FILIP1: variants seen among roughly 807,000 people sequenced by gnomAD.
FILIP1 encodes the protein filamin A interacting protein 1.
Under a neutral mutation model 102.1 loss-of-function variants are expected in FILIP1, and 61 were observed. The observed-to-expected ratio is 0.60, with a 90% CI of 0.49 to 0.74. The LOEUF (loss-of-function observed/expected upper bound fraction) is 0.74, where lower values mean the gene tolerates loss of function less well. Ranked by LOEUF, FILIP1 falls within the 30% of genes least tolerant of loss-of-function variation. The pLI is 0.00. For synonymous variants in FILIP1, 491 were observed against 526.9 expected (o/e 0.93, Z 0.93); for missense variants, 1,314 against 1,441.2 (o/e 0.91, Z 1.43).
chr6:75,465,553 G>A (rs778116364), intron 1 of FILIP1: 92 of 575,156 alleles, frequency 1.6e-4, no homozygotes, highest in Middle Eastern at 4.9e-4. Flanking sequence ...GCTGCCTGAA[G>A]GACAGTTTCA....
exon 7 of FILIP1, chr6:75,294,846 T>C (rs2842446): frequency 0.43 from 63,168 of 145,424 alleles, 13,686 homozygotes; most frequent in East Asian, 0.56. Flanking sequence ...GCACGTGCAA[T>C]CAGGCCCAGC....
intron 1 of FILIP1, among the ~76,000 whole-genome samples, chr6:75,441,878 C>G (rs1582513136): frequency 6.9e-6 from 1 of 145,468 alleles, no homozygotes; most frequent in African/African-American, 2.6e-5. Flanking sequence ...GCTGGCCGGG[C>G]GGGGGGTAGA....
intron 2 of FILIP1, chr6:75,367,757 C>G (rs1310306501): frequency 6.6e-6 from 1 of 152,100 alleles, no homozygotes; most frequent in Admixed American, 6.5e-5. Context: ...CTATTTCAAA[C>G]AAATGATTCA....
chr6:75,297,509 T>G (rs2149531766), intron 6 of FILIP1, among the ~76,000 whole-genome samples: 1 of 152,288 alleles, frequency 6.6e-6, no homozygotes, highest in South Asian at 2.1e-4. Flanking sequence ...ATGAAGGTTT[T>G]CTGAAGCTCT....
intron 4 of FILIP1, among the ~76,000 whole-genome samples, chr6:75,339,961 A>AAT (rs1774368216): frequency 6.6e-6 from 1 of 151,760 alleles, no homozygotes; most frequent in African/African-American, 2.4e-5. Flanking sequence ...TAAATAAATA[A>AAT]ATATATATAT....
In FILIP1 at chr6:75,437,235, A is replaced by T. The variant is rs1469927098; in HGVS notation, c.-6-22257T>A. Among the ~76,000 whole-genome samples the T allele has an allele frequency of 2.6e-5, 4 of 152,356 alleles. No homozygotes were observed. In the Middle Eastern group the frequency reaches 0.01, roughly 389 times the overall value. On this transcript the variant is annotated intron_variant, in intron 1 of 5. Transcript: ENST00000237172. ...CAAAGCAGACAGAATAGCATGGAAA[A>T]GGAGGAAAAAATCAGAAGGAAATAA...
chr6:75,362,978 A>T lies in FILIP1; in HGVS notation c.277-61T>A, dbSNP rs1180813261. 3.3e-6 allele frequency: 5 copies of T among 1,519,202 alleles called. No homozygotes were observed. In the East Asian group the frequency reaches 1.1e-4, roughly 34 times the overall value. 94.1% of individuals were successfully genotyped at this position (1,519,202 alleles called of 1,614,324 possible). ...CAATGTAAATCGCATACTGGGCTCA[A>T]AAAATCAACAGAGAGCTTATTGAAT... On this transcript the variant is annotated intron_variant, in intron 2 of 5. Coordinates refer to ENST00000237172, the MANE Select transcript of FILIP1 (RefSeq NM_015687.5).
intron 1 of FILIP1, among the ~76,000 whole-genome samples, chr6:75,420,050 T>G (rs1474636169): frequency 2.0e-5 from 3 of 152,186 alleles, no homozygotes; most frequent in Non-Finnish European, 2.9e-5. Context: ...TTAGGGTAGA[T>G]CTATTCAGAC....
intron 2 of FILIP1, among the ~76,000 whole-genome samples, chr6:75,390,244 A>G (rs1310382841): frequency 6.6e-6 from 1 of 152,168 alleles, no homozygotes; most frequent in Admixed American, 6.6e-5. Flanking sequence ...CTTGCTCATC[A>G]TCACTGCTTC....
intron 1 of FILIP1, among the ~76,000 whole-genome samples, chr6:75,421,701 T>C (rs1026631551): frequency 1.3e-5 from 2 of 152,194 alleles, no homozygotes; most frequent in African/African-American, 4.8e-5. Flanking sequence ...TAATACTGTC[T>C]AGCGTGGTTC....
chr6:75,430,982 A>AG (rs112673373), intron 1 of FILIP1, among the ~76,000 whole-genome samples: 2 of 152,340 alleles, frequency 1.3e-5, no homozygotes, highest in African/African-American at 4.8e-5. Context: ...CAAAATAATA[A>AG]GTATGTATAT....
intron 1 of FILIP1, among the ~76,000 whole-genome samples, chr6:75,433,618 T>C (rs1777906209): frequency 1.3e-5 from 2 of 152,216 alleles, no homozygotes; most frequent in Non-Finnish European, 2.9e-5. Flanking sequence ...TCCCATTCTA[T>C]AGGTTGCCTG....
chr6:75,322,920 C>G (rs1773711743), intron 4 of FILIP1, among the ~76,000 whole-genome samples: 1 of 152,156 alleles, frequency 6.6e-6, no homozygotes, highest in South Asian at 2.1e-4. Flanking sequence ...TCTAAAACTC[C>G]TGACCTCAGA....
At chr6:75,340,861 ATTTTT>A (rs59666589) in intron 4 of FILIP1, among the ~76,000 whole-genome samples, 1 of 94,308 alleles carries the variant, frequency 1.1e-5, no homozygotes, top group Middle Eastern at 6.5e-3. Context: ...ATGCTCAGGA[ATTTTT>A]TTTTTTTTTT....
chr6:75,334,616 A>C (rs1305903516), intron 4 of FILIP1: 3 of 152,172 alleles, frequency 2.0e-5, no homozygotes, highest in Admixed American at 1.3e-4. Flanking sequence ...ACATTGCTTA[A>C]ATCAAAACAG....
At chr6:75,415,009 G>A (rs1475835885) in intron 1 of FILIP1, 31 bp from the exon 2 acceptor site, 2 of 1,579,918 alleles carry the variant, frequency 1.3e-6, no homozygotes, top group East Asian at 2.2e-5. Flanking sequence ...AAGATAAGAT[G>A]TTCTTTACCA....
chr6:75,341,167 T>C (rs1281845138), intron 4 of FILIP1, among the ~76,000 whole-genome samples: 4 of 151,748 alleles, frequency 2.6e-5, no homozygotes, highest in African/African-American at 9.7e-5. Flanking sequence ...GTTTTTTTTT[T>C]TTGGATTTTT....
At chr6:75,468,951 A>T (rs534633837) in intron 1 of FILIP1, among the ~76,000 whole-genome samples, 1 of 152,184 alleles carries the variant, frequency 6.6e-6, no homozygotes, top group South Asian at 2.1e-4. Context: ...CCAAACTATC[A>T]TTCAAGAATG....
At chr6:75,400,637 G>A (rs563813143) in intron 2 of FILIP1, among the ~76,000 whole-genome samples, 1 of 152,214 alleles carries the variant, frequency 6.6e-6, no homozygotes, top group East Asian at 1.9e-4. Context: ...AGAACCGCAG[G>A]AGCTTTGATC....
Sources: gnomAD v4.1 joint callset for allele counts (sites outside exome capture counted in the v4.1 genomes callset) on GRCh38, gnomAD v4.1.1 for gene constraint, MANE v1.5 for transcripts, NCBI Gene and HGNC (gene_info 2026-07-23, HGNC 2026-07-21) for gene names.